The following FRMD3 variants were observed in gnomAD, a reference collection of about 807,000 sequenced individuals.
FRMD3 encodes the protein FERM domain containing 3, also known as FERM domain-containing protein 3.
A neutral mutation model predicts 70.2 loss-of-function variants in FRMD3; 33 were observed. That is an observed-to-expected ratio of 0.47 (90% CI 0.36 to 0.63). The LOEUF is 0.63. Among genes scored for constraint, FRMD3 ranks in the 20% least tolerant of loss-of-function variants. The pLI is 0.00. For missense variants in FRMD3, 632 were observed against 711.4 expected (o/e 0.89, Z 1.27); for synonymous variants, 279 against 255.9 (o/e 1.09, Z -0.86).
intron 1 of FRMD3, among the ~76,000 whole-genome samples, chr9:83,489,613 G>A (rs531054453): frequency 1.3e-5 from 2 of 152,296 alleles, no homozygotes; most frequent in South Asian, 4.1e-4. Context: ...AATAACAGAT[G>A]CTAGCAAGGC....
intron 1 of FRMD3, among the ~76,000 whole-genome samples, chr9:83,480,724 A>T (rs1828548830): frequency 6.6e-6 from 1 of 151,958 alleles, no homozygotes; most frequent in Non-Finnish European, 1.5e-5. Context: ...CAAGCTCCCA[A>T]CCTCAGGTGA....
the FRMD3 span, among the ~76,000 whole-genome samples, chr9:83,550,861 T>C: frequency 6.6e-6 from 1 of 152,112 alleles, no homozygotes; most frequent in African/African-American, 2.4e-5. Context: ...GTTTGTCAGC[T>C]GAAGGAGATT....
chr9:83,373,086 C>A, intron 2 of FRMD3, 131 bp from the exon 3 acceptor site: 1 of 716,872 alleles, frequency 1.4e-6, no homozygotes, highest in Non-Finnish European at 2.4e-6. Flanking sequence ...ATTCCACACT[C>A]TGAAGACCAA....
rs1193447869 is a variant in FRMD3 at position 83,290,736 on chromosome 9, A to G, written c.1071-9T>C. On this transcript the variant is annotated splice_polypyrimidine_tract_variant and intron_variant, in intron 12 of 13. Transcript: ENST00000304195. ...TCTGAGTAATGTTGGCTCTGAAAACAGACACAAGCCAGACAGAGTTGGTTT... is the reference window on the plus strand; with the variant it reads ...TCTGAGTAATGTTGGCTCTGAAAACGGACACAAGCCAGACAGAGTTGGTTT... The G allele has an allele frequency of 6.2e-7, 1 of 1,601,552 alleles. No individual in the cohort carries two copies. The highest frequency in any genetic ancestry group is 8.5e-7 in the Non-Finnish European group (1 of 1,172,990).
At chr9:83,244,319 G>A (rs191564058), downstream of FRMD3, among the ~76,000 whole-genome samples, 1 of 113,122 alleles carries the variant, frequency 8.8e-6, no homozygotes, top group East Asian at 3.8e-4. Flanking sequence ...CTATCTGTCA[G>A]TCAGAATACC....
At chr9:83,283,264 T>A (rs924657927) in intron 13 of FRMD3, among the ~76,000 whole-genome samples, 1 of 151,816 alleles carries the variant, frequency 6.6e-6, no homozygotes, top group African/African-American at 2.4e-5. Context: ...GGCGCGGTGG[T>A]TCACGCCTGT....
chr9:83,276,007 A>ACTAT (rs1833783153), intron 13 of FRMD3: 1 of 152,214 alleles, frequency 6.6e-6, no homozygotes, highest in Non-Finnish European at 1.5e-5. Context: ...GGCTAATTAA[A>ACTAT]CTATCTCACT....
Position 83,538,025 on chromosome 9 carries a change from A to G in FRMD3, c.147+60T>C, listed in dbSNP as rs1315038048. ...TTCCTTGTTCTCGCATGCCCACCGC[A>G]AAGGCCCCCCGCCCTGCTCCCGGCG... On this transcript the variant is annotated intron_variant, in intron 1 of 13. Transcript: ENST00000304195. The surrounding 1 kb of genome is among the most constrained non-coding windows in gnomAD (Gnocchi z 4.7). 3.2e-6 allele frequency: 5 copies of G among 1,580,286 alleles called. No individual in the cohort carries two copies. Among genetic ancestry groups the G allele is most frequent in the Non-Finnish European group, 3.5e-6 (4 of 1,159,174 alleles).
chr9:83,555,256 C>G, the FRMD3 span, among the ~76,000 whole-genome samples: 1 of 152,060 alleles, frequency 6.6e-6, no homozygotes, highest in Admixed American at 6.5e-5. Context: ...CGGCTCACCC[C>G]TCTCTCTGGG....
At chr9:83,343,109 C>T (rs757896813) in intron 5 of FRMD3, 81 bp downstream of exon 5, 298 of 1,004,948 alleles carry the variant, frequency 3.0e-4, no homozygotes, top group Non-Finnish European at 4.0e-4. Flanking sequence ...AGGATGGCCA[C>T]GGGTGGGAGA....
intron 10 of FRMD3, among the ~76,000 whole-genome samples, chr9:83,305,213 T>C (rs373343661): frequency 6.6e-6 from 1 of 152,084 alleles, no homozygotes; most frequent in African/African-American, 2.4e-5. Context: ...GTGGTCACAG[T>C]GAAGGAAGCA....
the FRMD3 span, among the ~76,000 whole-genome samples, chr9:83,581,033 G>C: frequency 6.6e-6 from 1 of 152,028 alleles, no homozygotes; most frequent in South Asian, 2.1e-4. Context: ...TAAAAACAAG[G>C]AGATTCATTA....
At chr9:83,265,395 TAAAAAAAA>T (rs59688591) in intron 13 of FRMD3, among the ~76,000 whole-genome samples, 46 of 77,400 alleles carry the variant, frequency 5.9e-4, no homozygotes, top group African/African-American at 2.3e-3. Flanking sequence ...GCGAGACTCT[TAAAAAAAA>T]AAAAAAAAAA....
intron 3 of FRMD3, among the ~76,000 whole-genome samples, chr9:83,358,797 T>G (rs1379053624): frequency 6.6e-6 from 1 of 152,092 alleles, no homozygotes; most frequent in Non-Finnish European, 1.5e-5. Context: ...GCACATGCCA[T>G]GCACAGTGAT....
intron 1 of FRMD3, among the ~76,000 whole-genome samples, chr9:83,412,551 G>A (rs1168859812): frequency 1.3e-5 from 2 of 152,166 alleles, no homozygotes; most frequent in Non-Finnish European, 2.9e-5. Flanking sequence ...GGATAAACTG[G>A]ATACTATTCC....
upstream of FRMD3, among the ~76,000 whole-genome samples, chr9:83,541,881 C>T (rs1042799295): frequency 6.6e-6 from 1 of 152,172 alleles, no homozygotes; most frequent in African/African-American, 2.4e-5. Context: ...AATCCCCCTA[C>T]AAATATTCCC....
chr9:83,491,204 T>C (rs554712189), intron 1 of FRMD3, among the ~76,000 whole-genome samples: 1 of 152,152 alleles, frequency 6.6e-6, no homozygotes, highest in African/African-American at 2.4e-5. Context: ...ACTACGACAT[T>C]TGAGTATCAG....
intron 1 of FRMD3, among the ~76,000 whole-genome samples, chr9:83,524,266 A>C (rs141065289): frequency 6.0e-4 from 91 of 152,340 alleles, no homozygotes; most frequent in African/African-American, 2.2e-3. Context: ...TGGGGAGCTA[A>C]TTTGAAATTT....
At chr9:83,383,617 A>T (rs1188246952) in intron 2 of FRMD3, among the ~76,000 whole-genome samples, 1 of 152,172 alleles carries the variant, frequency 6.6e-6, no homozygotes, top group South Asian at 2.1e-4. Flanking sequence ...TTACTCTTCA[A>T]CCACCACATT....
Sources: gnomAD v4.1 joint callset for allele counts (sites outside exome capture counted in the v4.1 genomes callset) on GRCh38, gnomAD v4.1.1 for gene constraint, Gnocchi (gnomAD v3.1) non-coding constraint, MANE v1.5 for transcripts, NCBI Gene and HGNC (gene_info 2026-07-23, HGNC 2026-07-21) for gene names.